Variants in KCNK5 observed in about 807,000 individuals in gnomAD.
KCNK5 encodes potassium two pore domain channel subfamily K member 5.
KCNK5 carries 18 observed loss-of-function variants against 32.9 expected under a neutral mutation model. That is an observed-to-expected ratio of 0.55 (90% CI 0.38 to 0.81). KCNK5 has a LOEUF of 0.81. Ranked by LOEUF, KCNK5 falls within the 30% of genes least tolerant of loss-of-function variation. The probability of loss-of-function intolerance (pLI) is 0.00; values close to 1 mark genes in which losing one functional copy is unlikely to be tolerated. For missense variants in KCNK5, 507 were observed against 651.0 expected, an observed-to-expected ratio of 0.78 and a Z score of 2.41; for synonymous variants, 276 against 275.3, an observed-to-expected ratio of 1.00 and a Z score of -0.03.
At chr6:39,200,983 A>G (rs1213163084) in intron 1 of KCNK5, among the ~76,000 whole-genome samples, 2 of 152,208 alleles carry the variant, frequency 1.3e-5, no homozygotes, top group East Asian at 3.9e-4. Context: ...AAGGGAAACC[A>G]AAGTCAAGAT....
rs186685037 is a variant in KCNK5 at position 39,220,207 on chromosome 6, C to G, written c.186+8719G>C. On this transcript the variant is annotated intron_variant, in intron 1 of 4. Coordinates refer to ENST00000359534, the MANE Select transcript of KCNK5 (RefSeq NM_003740.4). ...CCAGCTGCACAGCTTCTCTCCCAGA[C>G]TCAGGGGGCAAGCATCCCCGCTCAT... Among the ~76,000 whole-genome samples the G allele has an allele frequency of 1.3e-4, 20 of 152,328 alleles. No homozygotes were observed. In the East Asian group the frequency reaches 3.9e-3, roughly 29 times the overall value.
At chr6:39,217,705 C>T (rs1317262798) in intron 1 of KCNK5, among the ~76,000 whole-genome samples, 1 of 152,164 alleles carries the variant, frequency 6.6e-6, no homozygotes, top group African/African-American at 2.4e-5. Flanking sequence ...ATGCCCAGAG[C>T]GTGAGCCACC....
chr6:39,194,905 T>G lies in KCNK5; in HGVS notation c.299-145A>C. The G allele has an allele frequency of 1.4e-6, 1 of 699,910 alleles. No individual in the cohort carries two copies. The highest frequency in any genetic ancestry group is 2.4e-6 in the Non-Finnish European group (1 of 410,704). 43.4% of individuals were successfully genotyped at this position (699,910 alleles called of 1,614,324 possible). On this transcript the variant is annotated intron_variant, in intron 2 of 4. Transcript: ENST00000359534. This position sits in a 1 kb window ranked among gnomAD's most constrained non-coding sequence, Gnocchi z 4.7. ...TAAGTAATGATATTTCCCTTGATCA[T>G]ACTCTGATCATGATCATTGATAAAG... is the stretch of plus-strand genomic sequence containing the variant.
intron 1 of KCNK5, among the ~76,000 whole-genome samples, chr6:39,228,001 T>A (rs1028123156): frequency 6.6e-6 from 1 of 152,060 alleles, no homozygotes; most frequent in East Asian, 1.9e-4. Flanking sequence ...GAAGAGTTGA[T>A]GGTTGAAGCT....
At chr6:39,206,529 G>C (rs1344393086) in intron 1 of KCNK5, among the ~76,000 whole-genome samples, 3 of 152,208 alleles carry the variant, frequency 2.0e-5, no homozygotes, top group African/African-American at 7.2e-5. Flanking sequence ...CCGGGCCAAT[G>C]ACCTGAGGGA....
chr6:39,216,306 A>G (rs1433320805), intron 1 of KCNK5, among the ~76,000 whole-genome samples: 1 of 152,140 alleles, frequency 6.6e-6, no homozygotes, highest in Non-Finnish European at 1.5e-5. Flanking sequence ...AAACAAAACA[A>G]AAACAAAAAA....
In KCNK5 at chr6:39,189,320, C is replaced by G. The variant is rs907309903; in HGVS notation, c.*1570G>C. ...GCTTCCTGCCCGGCCTCCAGTCACC[C>G]GCAGTGGATGCCCCTTCCTGCTTTT... On this transcript the variant is annotated 3_prime_UTR_variant, in exon 5 of 5. Coordinates refer to ENST00000359534, the MANE Select transcript of KCNK5 (RefSeq NM_003740.4). The G allele has an allele frequency of 6.6e-6, 1 of 152,404 alleles. No homozygotes were observed. The highest frequency in any genetic ancestry group is 1.5e-5 in the Non-Finnish European group (1 of 68,116). 9.4% of individuals were successfully genotyped at this position (152,404 alleles called of 1,614,324 possible).
chr6:39,199,888 C>T (rs1185877301), intron 1 of KCNK5, among the ~76,000 whole-genome samples: 1 of 152,222 alleles, frequency 6.6e-6, no homozygotes, highest in East Asian at 1.9e-4. Flanking sequence ...CCAGGCATCA[C>T]TTGGCAGAGG....
intron 4 of KCNK5, among the ~76,000 whole-genome samples, chr6:39,192,791 C>T (rs1036548466): frequency 2.6e-5 from 4 of 152,158 alleles, no homozygotes; most frequent in East Asian, 1.9e-4. Context: ...ATGTCGTTGA[C>T]GACTACATGT....
At chr6:39,216,928 C>T (rs879602976) in intron 1 of KCNK5, among the ~76,000 whole-genome samples, 3 of 151,836 alleles carry the variant, frequency 2.0e-5, no homozygotes, top group Non-Finnish European at 4.4e-5. Flanking sequence ...TCGAGAACCG[C>T]CTGACCAACA....
chr6:39,195,627 C>T (rs1180696694), intron 2 of KCNK5, among the ~76,000 whole-genome samples: 2 of 152,364 alleles, frequency 1.3e-5, no homozygotes. Context: ...TAATCTCTTG[C>T]ATGGCTCTGG....
chr6:39,225,471 T>C (rs1167375164), intron 1 of KCNK5, among the ~76,000 whole-genome samples: 1 of 152,234 alleles, frequency 6.6e-6, no homozygotes, highest in East Asian at 1.9e-4. Flanking sequence ...TTCTGATCAC[T>C]GCCCACCAGA....
At position 39,194,169 on chromosome 6, in the gene KCNK5, C is replaced by T. The variant is rs866296929; in HGVS notation, c.634G>A (p.Gly212Ser). Residue 212 changes from glycine to serine, a missense_variant and splice_region_variant, in exon 4 of 5, where the codon GGT becomes AGT. By Grantham distance (56) the Gly-to-Ser change is moderately conservative. Coordinates refer to ENST00000359534, the MANE Select transcript of KCNK5 (RefSeq NM_003740.4). The surrounding 1 kb of genome is among the most constrained non-coding windows in gnomAD (Gnocchi z 4.7). The stretch of plus-strand genomic sequence containing the variant: ...GTGGGAGGCAGAGGCAGGGACTCAC[C>T]GGCCACAAAGTCACCGAAGCCGATG... ...STIGFGDFVA[G>S]VNPSANYHAL... 16 of 1,613,952 alleles carry T rather than the reference C, an allele frequency of 9.9e-6. No homozygotes were observed. Among genetic ancestry groups the T allele is most frequent in the Middle Eastern group, 1.6e-4 (1 of 6,062 alleles).
At chr6:39,193,152 TGA>T (rs879907558) in intron 4 of KCNK5, among the ~76,000 whole-genome samples, 2,969 of 152,348 alleles carry the variant, frequency 0.019, 40 homozygotes, top group South Asian at 0.034. Flanking sequence ...TTGCTGGTGC[TGA>T]GAAAGTATGG....
At chr6:39,202,281 T>C (rs1235293486) in intron 1 of KCNK5, among the ~76,000 whole-genome samples, 1 of 152,156 alleles carries the variant, frequency 6.6e-6, no homozygotes, top group East Asian at 1.9e-4. Flanking sequence ...GCAGTTGGCT[T>C]TTCACTAAAT....
At chr6:39,227,152 G>C (rs1771688827) in intron 1 of KCNK5, among the ~76,000 whole-genome samples, 1 of 114,228 alleles carries the variant, frequency 8.8e-6, no homozygotes, top group Admixed American at 1.2e-4. Context: ...CCTTTGCCTT[G>C]TGTTTTGAAG....
At chr6:39,213,651 TG>T (rs981661335) in intron 1 of KCNK5, among the ~76,000 whole-genome samples, 8 of 152,060 alleles carry the variant, frequency 5.3e-5, no homozygotes, top group Non-Finnish European at 7.4e-5. Context: ...TATACACGGG[TG>T]GGAAGCCGGC....
chr6:39,219,390 A>G (rs905530877), intron 1 of KCNK5, among the ~76,000 whole-genome samples: 1 of 152,094 alleles, frequency 6.6e-6, no homozygotes, highest in Non-Finnish European at 1.5e-5. Flanking sequence ...GGGGGGTATA[A>G]TTAGTTCCAT....
At chr6:39,203,275 C>T (rs558490656) in intron 1 of KCNK5, among the ~76,000 whole-genome samples, 12 of 152,362 alleles carry the variant, frequency 7.9e-5, no homozygotes, top group African/African-American at 2.9e-4. Flanking sequence ...GATCCATCAG[C>T]TCCCTCAGGC....
Sources: gnomAD v4.1 joint callset for allele counts (sites outside exome capture counted in the v4.1 genomes callset) on GRCh38, gnomAD v4.1.1 for gene constraint, Gnocchi (gnomAD v3.1) non-coding constraint, MANE v1.5 for transcripts, NCBI Gene and HGNC (gene_info 2026-07-23, HGNC 2026-07-21) for gene names.